The following KLHDC1 variants were observed in gnomAD, a reference collection of about 807,000 sequenced individuals.
KLHDC1 encodes kelch domain-containing protein 1.
In KLHDC1, 53 loss-of-function variants were observed where a neutral mutation model predicts 68.3. The observed-to-expected ratio is 0.78, with a 90% confidence interval of 0.62 to 0.98. The LOEUF is 0.98. Ranked by LOEUF, KLHDC1 falls within the 50% of genes least tolerant of loss-of-function variation. The pLI is 0.00. For synonymous variants in KLHDC1, 148 were observed against 159.0 expected (o/e 0.93, Z 0.52); for missense variants, 470 against 492.3 (o/e 0.95, Z 0.43).
intron 4 of KLHDC1, 25 bp from the exon 5 acceptor site, chr14:49,723,849 G>A: frequency 7.4e-7 from 1 of 1,356,440 alleles, no homozygotes. Flanking sequence ...TTCCTAAAGT[G>A]TGTCATTTCG....
chr14:49,694,673 G>GT (rs1887681508), intron 1 of KLHDC1, among the ~76,000 whole-genome samples: 1 of 152,096 alleles, frequency 6.6e-6, no homozygotes, highest in African/African-American at 2.4e-5. Context: ...GGCCAACATG[G>GT]TGAAACCCCG....
intron 1 of KLHDC1, among the ~76,000 whole-genome samples, chr14:49,701,061 G>A (rs1158868715): frequency 2.7e-5 from 4 of 149,096 alleles, no homozygotes; most frequent in Non-Finnish European, 5.9e-5. Flanking sequence ...CAGCCTGGGC[G>A]ACAGAGTGAG....
chr14:49,743,669 A>G (rs1284032897), intron 11 of KLHDC1, 84 bp from the exon 12 acceptor site: 2 of 812,720 alleles, frequency 2.5e-6, no homozygotes, highest in Non-Finnish European at 4.0e-6. Context: ...TATCTTTTAC[A>G]TTTATAAAAT....
In KLHDC1 at chr14:49,752,909, A is replaced by G. The variant is rs1004356355; in HGVS notation, c.*1137A>G. Reference sequence around the variant, plus strand: ...ATGCAAGTTATCTCTGAAATTTAAAATGTTAAAGAAAAACATTTCTATATT... The same window carrying G: ...ATGCAAGTTATCTCTGAAATTTAAAGTGTTAAAGAAAAACATTTCTATATT... On this transcript the variant is annotated 3_prime_UTR_variant, in exon 13 of 13. Coordinates refer to ENST00000359332, the MANE Select transcript of KLHDC1 (RefSeq NM_172193.3). 1 of 152,092 alleles carries G rather than the reference A, an allele frequency of 6.6e-6. No homozygotes were observed. Among genetic ancestry groups the G allele is most frequent in the African/African-American group, 2.4e-5 (1 of 41,460 alleles). The allele number at this position is 152,092 out of a possible 1,614,324, so 9.4% of individuals were successfully genotyped here.
In KLHDC1 at chr14:49,711,910, C is replaced by CTTTTTTTTTTTTTTTTTTT. The variant is rs992092493; in HGVS notation, c.404+1538_404+1556dup. Reference sequence around the variant, plus strand: ...TTATATGTCTTTCTTTTTTCTTTTTCTTTTTTTTTTTTTTTTTTTTTTTTT... The same window carrying CTTTTTTTTTTTTTTTTTTT: ...TTATATGTCTTTCTTTTTTCTTTTTCTTTTTTTTTTTTTTTTTTTTTTTTTTTTTTTTTTTTTTTTTTTT... On this transcript the variant is annotated intron_variant, in intron 4 of 12. Coordinates refer to ENST00000359332, the MANE Select transcript of KLHDC1 (RefSeq NM_172193.3). Among the ~76,000 whole-genome samples, 19 of 76,620 alleles carry CTTTTTTTTTTTTTTTTTTT rather than the reference C, an allele frequency of 2.5e-4. 1 individual carries two copies. The highest frequency in any genetic ancestry group is 3.0e-4 in the African/African-American group (6 of 20,040). 50.3% of individuals were successfully genotyped at this position (76,620 alleles called of 152,430 possible). A position where few individuals can be genotyped will look rare whatever the true frequency, so the allele number is the denominator to read the frequency against.
intron 1 of KLHDC1, among the ~76,000 whole-genome samples, chr14:49,706,123 C>A (rs79501254): frequency 6.6e-6 from 1 of 152,026 alleles, no homozygotes. Context: ...TCCCTACCCA[C>A]CCACTCCCAC....
chr14:49,714,030 A>G (rs1888304212), intron 4 of KLHDC1, among the ~76,000 whole-genome samples: 1 of 148,082 alleles, frequency 6.8e-6, no homozygotes, highest in Non-Finnish European at 1.5e-5. Context: ...TATTTTTAGT[A>G]GAAACAGGGT....
At chr14:49,732,645 TA>T (rs1420699105) in intron 8 of KLHDC1, 58 bp from the exon 9 acceptor site, 1 of 867,578 alleles carries the variant, frequency 1.2e-6, no homozygotes, top group East Asian at 2.6e-5. Flanking sequence ...CTAAGATGAT[TA>T]AAAACCTTTT....
intron 8 of KLHDC1, among the ~76,000 whole-genome samples, chr14:49,731,097 T>C (rs905747346): frequency 1.3e-5 from 2 of 152,152 alleles, no homozygotes; most frequent in Non-Finnish European, 2.9e-5. Context: ...CTGACTAACA[T>C]GGTGAAACCC....
chr14:49,699,422 A>T (rs1408993261), intron 1 of KLHDC1, among the ~76,000 whole-genome samples: 2 of 139,672 alleles, frequency 1.4e-5, no homozygotes, highest in African/African-American at 5.2e-5. Flanking sequence ...TATAGGCTTT[A>T]AAAAAAAAAA....
At chr14:49,730,525 T>G (rs1297937641) in intron 8 of KLHDC1, among the ~76,000 whole-genome samples, 25 of 151,952 alleles carry the variant, frequency 1.6e-4, no homozygotes, top group Non-Finnish European at 2.9e-5. Flanking sequence ...CAGCTGACAT[T>G]TGCAATATTT....
At chr14:49,711,454 C>T (rs544286687) in intron 4 of KLHDC1, among the ~76,000 whole-genome samples, 47 of 152,302 alleles carry the variant, frequency 3.1e-4, no homozygotes, top group African/African-American at 1.1e-3. Context: ...CCGCCCGCCT[C>T]GGCCTCCCAA....
At chr14:49,730,191 G>C (rs1169919333) in intron 8 of KLHDC1, among the ~76,000 whole-genome samples, 1 of 147,742 alleles carries the variant, frequency 6.8e-6, no homozygotes, top group Non-Finnish European at 1.5e-5. Context: ...ATTGTAAAAT[G>C]CAAACAAAAA....
At chr14:49,730,218 G>A (rs1184117667) in intron 8 of KLHDC1, among the ~76,000 whole-genome samples, 2 of 126,094 alleles carry the variant, frequency 1.6e-5, no homozygotes, top group African/African-American at 2.8e-5. Flanking sequence ...AACAATATTT[G>A]CAGGTTTTTT....
At chr14:49,723,737 T>C in intron 4 of KLHDC1, 137 bp from the exon 5 acceptor site, 1 of 573,738 alleles carries the variant, frequency 1.7e-6, no homozygotes, top group Non-Finnish European at 3.1e-6. Context: ...TAGGTCTCTT[T>C]GTTCCCTCAG....
intron 1 of KLHDC1, among the ~76,000 whole-genome samples, chr14:49,693,748 C>CTTTTTCTTTTTTTTTTTTTTT (rs1555337323): frequency 1.6e-5 from 1 of 61,540 alleles, no homozygotes; most frequent in African/African-American, 5.4e-5. Context: ...TTTTCTTTTT[C>CTTTTTCTTTTTTTTTTTTTTT]TTTTTTTTTT....
At chr14:49,725,952 G>T (rs529982044) in intron 6 of KLHDC1, among the ~76,000 whole-genome samples, 183 bp downstream of exon 6, 2 of 151,998 alleles carry the variant, frequency 1.3e-5, no homozygotes, top group Non-Finnish European at 2.9e-5. Flanking sequence ...GGTTCAGGTG[G>T]TTCTCCTGCC....
chr14:49,718,922 G>A (rs182352986), intron 4 of KLHDC1, among the ~76,000 whole-genome samples: 13 of 149,724 alleles, frequency 8.7e-5, no homozygotes, highest in East Asian at 2.0e-4. Context: ...GATTACAGCC[G>A]CCTGCCACTA....
chr14:49,696,258 G>A (rs773570907), intron 1 of KLHDC1, among the ~76,000 whole-genome samples: 1 of 150,470 alleles, frequency 6.6e-6, no homozygotes, highest in African/African-American at 2.5e-5. Flanking sequence ...TGCAACCTCC[G>A]CCTTCTGAGC....
Sources: allele counts gnomAD v4.1 joint callset (sites outside exome capture counted in the v4.1 genomes callset), GRCh38; gene constraint gnomAD v4.1.1; transcripts MANE v1.5; gene names NCBI Gene and HGNC (gene_info 2026-07-23, HGNC 2026-07-21).